Variants in MAP3K20 observed in about 807,000 individuals in gnomAD.
MAP3K20 encodes mitogen-activated protein kinase kinase kinase 20.
Under a neutral mutation model 85.7 loss-of-function variants are expected in MAP3K20, and 40 were observed. The ratio of observed to expected loss-of-function variants is 0.47; its 90% CI spans 0.36 to 0.61. The LOEUF (loss-of-function observed/expected upper bound fraction) is 0.61, where lower values mean the gene tolerates loss of function less well. MAP3K20 is among the 20% of genes least tolerant of loss of function. The probability of loss-of-function intolerance (pLI) is 0.00; values close to 1 mark genes in which losing one functional copy is unlikely to be tolerated. For synonymous variants in MAP3K20, 325 were observed against 327.7 expected (o/e 0.99, Z 0.09); for missense variants, 817 against 961.7 (o/e 0.85, Z 1.99).
chr2:173,105,603 T>C (rs1687762026), intron 2 of MAP3K20, among the ~76,000 whole-genome samples: 1 of 152,198 alleles, frequency 6.6e-6, no homozygotes, highest in African/African-American at 2.4e-5. Flanking sequence ...TTCTGATCCA[T>C]GCTACAATAT....
At chr2:173,149,935 G>A (rs1188025450) in intron 2 of MAP3K20, among the ~76,000 whole-genome samples, 6 of 152,220 alleles carry the variant, frequency 3.9e-5, no homozygotes, top group African/African-American at 1.4e-4. Flanking sequence ...CAGTCCAACT[G>A]TTGAAATCTC....
At chr2:173,121,934 C>T (rs998368824) in intron 2 of MAP3K20, among the ~76,000 whole-genome samples, 4 of 152,178 alleles carry the variant, frequency 2.6e-5, no homozygotes, top group Non-Finnish European at 4.4e-5. Context: ...TTCATGGCCC[C>T]ATTGAGTAAG....
chr2:173,105,393 C>T (rs543789970), intron 2 of MAP3K20, among the ~76,000 whole-genome samples: 10 of 152,132 alleles, frequency 6.6e-5, no homozygotes, highest in South Asian at 2.1e-4. Flanking sequence ...TGTGCGTGGG[C>T]GCAAGGGAAA....
intron 16 of MAP3K20, among the ~76,000 whole-genome samples, chr2:173,251,432 A>G (rs768305448): frequency 6.6e-6 from 1 of 152,164 alleles, no homozygotes; most frequent in African/African-American, 2.4e-5. Flanking sequence ...CCTGGCTACA[A>G]ATCTCCCCAT....
chr2:173,194,755 TA>T (rs34913602), intron 7 of MAP3K20, among the ~76,000 whole-genome samples: 2 of 136,192 alleles, frequency 1.5e-5, no homozygotes, highest in South Asian at 2.4e-4. Flanking sequence ...ATAAGACCAT[TA>T]AAAAAAAGGT....
chr2:173,167,927 A>G (rs955008850), intron 2 of MAP3K20, among the ~76,000 whole-genome samples: 12 of 152,188 alleles, frequency 7.9e-5, no homozygotes, highest in African/African-American at 2.9e-4. Context: ...AGTTTGACAA[A>G]TACTGGTTCA....
chr2:173,204,308 A>G (rs1183586680), intron 9 of MAP3K20, among the ~76,000 whole-genome samples: 3 of 152,242 alleles, frequency 2.0e-5, no homozygotes, highest in Non-Finnish European at 4.4e-5. Context: ...CAAGACATAC[A>G]GAGGTTACAT....
intron 1 of MAP3K20, among the ~76,000 whole-genome samples, chr2:173,077,672 C>T (rs947360969): frequency 1.3e-5 from 2 of 151,968 alleles, no homozygotes; most frequent in African/African-American, 4.8e-5. Flanking sequence ...GATAATAATT[C>T]CAGAGTAAAT....
chr2:173,163,341 G>A (rs1450323736), intron 2 of MAP3K20, among the ~76,000 whole-genome samples: 1 of 152,136 alleles, frequency 6.6e-6, no homozygotes, highest in Non-Finnish European at 1.5e-5. Flanking sequence ...TGTGTACTTA[G>A]TGTTTAGCTC....
chr2:173,101,908 T>G (rs1408015445), intron 2 of MAP3K20, among the ~76,000 whole-genome samples: 1 of 152,204 alleles, frequency 6.6e-6, no homozygotes, highest in African/African-American at 2.4e-5. Flanking sequence ...GACATCCAGT[T>G]TCTGTTTGAA....
Position 173,198,117 on chromosome 2 carries a change from G to T in MAP3K20, c.669+5G>T. 6.2e-7 allele frequency: 1 copy of T among 1,611,310 alleles called. No individual in the cohort carries two copies. Among genetic ancestry groups the T allele is most frequent in the South Asian group, 1.1e-5 (1 of 90,820 alleles). ...CTTGTAGTGGAAAAAAACGAGGTAA[G>T]ACTACGTTTCTCCATTCAGGTACAT... On this transcript the variant is annotated splice_donor_5th_base_variant and intron_variant, in intron 8 of 19. Transcript: ENST00000375213. This position sits in a 1 kb window ranked among gnomAD's most constrained non-coding sequence, Gnocchi z 5.8.
intron 2 of MAP3K20, among the ~76,000 whole-genome samples, chr2:173,147,194 C>T (rs1005470048): frequency 6.6e-6 from 1 of 152,180 alleles, no homozygotes; most frequent in Non-Finnish European, 1.5e-5. Context: ...GAAGTACTAA[C>T]GTTCTTCATT....
rs181466967 is a variant in MAP3K20 at position 173,094,187 on chromosome 2, A to G, written c.159+2997A>G. Reference sequence around the variant, plus strand: ...AGAGAACAATTAAAAGAATACTACTATGAACTCTAGTACGTTTTATTCTTC... The same window carrying G: ...AGAGAACAATTAAAAGAATACTACTGTGAACTCTAGTACGTTTTATTCTTC... On this transcript the variant is annotated intron_variant, in intron 2 of 19. Transcript: ENST00000375213. Among the ~76,000 whole-genome samples, 386 of 151,500 alleles carry G rather than the reference A, an allele frequency of 2.5e-3. 3 individuals carry two copies. The highest frequency in any genetic ancestry group is 9.0e-3 in the African/African-American group (371 of 41,320).
intron 1 of MAP3K20, among the ~76,000 whole-genome samples, chr2:173,082,876 GC>G: frequency 6.6e-6 from 1 of 152,212 alleles, no homozygotes; most frequent in Non-Finnish European, 1.5e-5. Context: ...TTTCCACGCA[GC>G]ATTTCTGTGG....
chr2:173,208,589 C>T (rs1417027220), intron 9 of MAP3K20, among the ~76,000 whole-genome samples: 1 of 152,140 alleles, frequency 6.6e-6, no homozygotes, highest in Non-Finnish European at 1.5e-5. Flanking sequence ...AAGACACAGG[C>T]ACACACATGC....
chr2:173,134,602 G>A (rs13407319), intron 2 of MAP3K20, among the ~76,000 whole-genome samples: 66,159 of 147,380 alleles, frequency 0.45, 16,776 homozygotes, highest in African/African-American at 0.69. Flanking sequence ...CTTAGTTAGA[G>A]GTTGCTTTAC....
At chr2:173,207,015 G>A (rs941369460) in intron 9 of MAP3K20, among the ~76,000 whole-genome samples, 2 of 119,788 alleles carry the variant, frequency 1.7e-5, no homozygotes, top group Non-Finnish European at 3.3e-5. Context: ...TAGAACTGCT[G>A]TTCTTTTGCA....
At position 173,235,448 on chromosome 2, in the gene MAP3K20, T is replaced by C. The variant is rs560336748; in HGVS notation, c.1204-2925T>C. ...CTCCACACTGATATGTGTGGCAGCATAGATGAGCCTTGAACATGATGCTAA... is the reference window on the plus strand; with the variant it reads ...CTCCACACTGATATGTGTGGCAGCACAGATGAGCCTTGAACATGATGCTAA... On this transcript the variant is annotated intron_variant, in intron 14 of 19. Transcript: ENST00000375213. Among the ~76,000 whole-genome samples the C allele has an allele frequency of 9.2e-5, 14 of 152,286 alleles. No individual in the cohort carries two copies. In the East Asian group the frequency reaches 2.3e-3, roughly 25 times the overall value.
At chr2:173,133,652 C>T (rs888615755) in intron 2 of MAP3K20, among the ~76,000 whole-genome samples, 1 of 152,098 alleles carries the variant, frequency 6.6e-6, no homozygotes, top group Non-Finnish European at 1.5e-5. Context: ...CTTGTTAAAA[C>T]ACACATAGCC....
Sources: gnomAD v4.1 joint callset for allele counts (sites outside exome capture counted in the v4.1 genomes callset) on GRCh38, gnomAD v4.1.1 for gene constraint, Gnocchi (gnomAD v3.1) non-coding constraint, MANE v1.5 for transcripts, NCBI Gene and HGNC (gene_info 2026-07-23, HGNC 2026-07-21) for gene names.